Variants in NALF1 observed in about 807,000 individuals in gnomAD.
The protein encoded by NALF1 is NALCN channel auxiliary factor 1.
NALF1 carries 3 observed loss-of-function variants against 48.4 expected under a neutral mutation model. The observed-to-expected ratio is 0.06, with a 90% CI of 0.03 to 0.16. NALF1 has a LOEUF of 0.16. NALF1 is among the 10% of genes least tolerant of loss of function. The pLI is 1.00. For missense variants in NALF1, 526 were observed against 571.5 expected (o/e 0.92, Z 0.81); for synonymous variants, 262 against 245.7 (o/e 1.07, Z -0.62).
At chr13:107,351,591 ACT>A (rs1177615568) in intron 1 of NALF1, among the ~76,000 whole-genome samples, 6 of 152,062 alleles carry the variant, frequency 3.9e-5, no homozygotes, top group Non-Finnish European at 7.4e-5. Flanking sequence ...GAACCAATGA[ACT>A]CTGTTTCTAA....
rs907977811 is a variant in NALF1 at position 107,166,610 on chromosome 13, A to C, written c.*3887T>G. The C allele has an allele frequency of 6.6e-6, 1 of 152,180 alleles. No homozygotes were observed. Among genetic ancestry groups the C allele is most frequent in the African/African-American group, 2.4e-5 (1 of 41,444 alleles). 9.4% of individuals were successfully genotyped at this position (152,180 alleles called of 1,614,324 possible). On this transcript the variant is annotated 3_prime_UTR_variant, in exon 3 of 3. Coordinates refer to ENST00000375915, the MANE Select transcript of NALF1 (RefSeq NM_001080396.3). ...GGTTAACGTTTTTGATGTTGTTCAG[A>C]TATCAAATACCATATGCCAATTCAG...
At chr13:107,851,590 GAA>G (rs1407304991) in intron 1 of NALF1, among the ~76,000 whole-genome samples, 1 of 151,946 alleles carries the variant, frequency 6.6e-6, no homozygotes, top group Non-Finnish European at 1.5e-5. Context: ...CTACATTTTA[GAA>G]GAGAAACGAC....
At chr13:107,298,420 TTTTTATTTTTA>T (rs1172792843) in intron 1 of NALF1, among the ~76,000 whole-genome samples, 1 of 150,644 alleles carries the variant, frequency 6.6e-6, no homozygotes, top group Non-Finnish European at 1.5e-5. Context: ...ACACGTTTCT[TTTTTATTTTTA>T]TTTTATTTAT....
chr13:107,322,895 T>A (rs1882284197), intron 1 of NALF1, among the ~76,000 whole-genome samples: 1 of 152,040 alleles, frequency 6.6e-6, no homozygotes, highest in Non-Finnish European at 1.5e-5. Context: ...TTCCATAGAG[T>A]CAAGGGTGTT....
intron 1 of NALF1, among the ~76,000 whole-genome samples, chr13:107,800,291 G>T (rs7338101): frequency 0.59 from 89,389 of 151,860 alleles, 27,435 homozygotes; most frequent in African/African-American, 0.75. Flanking sequence ...TACTTTACTT[G>T]CAAATTTGAC....
intron 1 of NALF1, among the ~76,000 whole-genome samples, chr13:107,554,026 A>T (rs1337883711): frequency 6.6e-6 from 1 of 152,222 alleles, no homozygotes; most frequent in Non-Finnish European, 1.5e-5. Context: ...GGAGCTATCC[A>T]GCCCTGAGAG....
intron 1 of NALF1, among the ~76,000 whole-genome samples, chr13:107,221,152 GAGAT>G (rs1879983936): frequency 6.6e-6 from 1 of 152,064 alleles, no homozygotes; most frequent in Non-Finnish European, 1.5e-5. Flanking sequence ...AAGGGGGTGA[GAGAT>G]AGAAAACTAC....
intron 1 of NALF1, among the ~76,000 whole-genome samples, chr13:107,342,311 G>A (rs567141264): frequency 1.3e-5 from 2 of 152,180 alleles, no homozygotes; most frequent in Admixed American, 1.3e-4. Context: ...AACTATTTTT[G>A]GCAAAAACAA....
chr13:107,502,746 G>C (rs971136098), intron 1 of NALF1, among the ~76,000 whole-genome samples: 1 of 152,180 alleles, frequency 6.6e-6, no homozygotes, highest in Non-Finnish European at 1.5e-5. Flanking sequence ...TCCCCTGATA[G>C]TTGTGTTTTT....
intron 1 of NALF1, among the ~76,000 whole-genome samples, chr13:107,579,267 G>A (rs1191703550): frequency 6.6e-6 from 1 of 152,088 alleles, no homozygotes; most frequent in East Asian, 1.9e-4. Flanking sequence ...CATTTTGTGT[G>A]TTTAGTAGAA....
At position 107,271,607 on chromosome 13, in the gene NALF1, G is replaced by C. The variant is rs528076786; in HGVS notation, c.916-60852C>G. ...TCAGGTATTGCAAGATAGCAAGTGG[G>C]GGTCATTTTAAGCAGTTAAGTTTGT... is the stretch of plus-strand genomic sequence containing the variant. On this transcript the variant is annotated intron_variant, in intron 1 of 2. Coordinates refer to ENST00000375915, the MANE Select transcript of NALF1 (RefSeq NM_001080396.3). 2.1e-3 allele frequency among the ~76,000 whole-genome samples: 247 copies of C among 116,022 alleles called. 1 individual carries two copies. The highest frequency in any genetic ancestry group is 6.9e-3 in the African/African-American group (234 of 34,028). The allele number at this position is 116,022 out of a possible 152,430, so 76.1% of individuals were successfully genotyped here. A position where few individuals can be genotyped will look rare whatever the true frequency, so the allele number is the denominator to read the frequency against.
At chr13:107,186,074 G>A (rs972349134) in intron 2 of NALF1, among the ~76,000 whole-genome samples, 4 of 152,160 alleles carry the variant, frequency 2.6e-5, no homozygotes, top group Non-Finnish European at 5.9e-5. Context: ...TCATCCATTA[G>A]TCCAGCATGT....
chr13:107,661,734 C>G (rs1447316783), intron 1 of NALF1, among the ~76,000 whole-genome samples: 1 of 152,068 alleles, frequency 6.6e-6, no homozygotes, highest in Non-Finnish European at 1.5e-5. Context: ...GTTCTCCAGC[C>G]CAATTCACAT....
At chr13:107,497,902 C>A (rs1353954973) in intron 1 of NALF1, among the ~76,000 whole-genome samples, 1 of 152,130 alleles carries the variant, frequency 6.6e-6, no homozygotes, top group Non-Finnish European at 1.5e-5. Flanking sequence ...CTGCCATATG[C>A]ATGCAGATAA....
intron 1 of NALF1, among the ~76,000 whole-genome samples, chr13:107,706,959 G>T (rs1159714629): frequency 9.8e-6 from 1 of 101,848 alleles, no homozygotes; most frequent in Non-Finnish European, 1.7e-5. Flanking sequence ...GTCTCGCTCT[G>T]TCGCCCAGGC....
chr13:107,518,088 A>G (rs1049377978), intron 1 of NALF1, among the ~76,000 whole-genome samples: 3 of 152,206 alleles, frequency 2.0e-5, no homozygotes, highest in African/African-American at 7.2e-5. Flanking sequence ...GACTCGATGC[A>G]CTGAAATAAG....
intron 1 of NALF1, among the ~76,000 whole-genome samples, chr13:107,241,756 C>G (rs1265488758): frequency 1.3e-5 from 2 of 152,184 alleles, no homozygotes; most frequent in Non-Finnish European, 2.9e-5. Context: ...TATTCTAACA[C>G]TCGGTTCCTT....
At chr13:107,521,026 T>C (rs542390198) in intron 1 of NALF1, among the ~76,000 whole-genome samples, 41 of 152,296 alleles carry the variant, frequency 2.7e-4, no homozygotes, top group African/African-American at 9.6e-4. Flanking sequence ...TGTGAGGTCA[T>C]ACATCTAAAC....
chr13:107,648,184 T>A (rs1209366627), intron 1 of NALF1, among the ~76,000 whole-genome samples: 1 of 152,192 alleles, frequency 6.6e-6, no homozygotes, highest in African/African-American at 2.4e-5. Flanking sequence ...TGACAGATTA[T>A]GATTAACTGA....
Sources: allele counts gnomAD v4.1 joint callset (sites outside exome capture counted in the v4.1 genomes callset), GRCh38; gene constraint gnomAD v4.1.1; transcripts MANE v1.5; gene names NCBI Gene and HGNC (gene_info 2026-07-23, HGNC 2026-07-21).